The following DAPK1 variants were observed in gnomAD, a reference collection of about 807,000 sequenced individuals.
The protein encoded by DAPK1 is death-associated protein kinase 1.
Under a neutral mutation model 144.9 loss-of-function variants are expected in DAPK1, and 56 were observed. The observed-to-expected ratio is 0.39, with a 90% CI of 0.31 to 0.48. The LOEUF (loss-of-function observed/expected upper bound fraction) is 0.48, where lower values mean the gene tolerates loss of function less well. DAPK1 is among the 20% of genes least tolerant of loss of function. The pLI, the probability that DAPK1 is intolerant of heterozygous loss-of-function variation, is 0.95. For missense variants in DAPK1, 1,454 were observed against 1,875.4 expected, an observed-to-expected ratio of 0.78 and a Z score of 4.15; for synonymous variants, 690 against 749.0, an observed-to-expected ratio of 0.92 and a Z score of 1.29.
intron 3 of DAPK1, among the ~76,000 whole-genome samples, chr9:87,629,996 G>A (rs928462709): frequency 1.3e-5 from 2 of 152,152 alleles, no homozygotes; most frequent in Non-Finnish European, 2.9e-5. Flanking sequence ...AACTAGCCCA[G>A]ATGGAGAGAC....
At chr9:87,701,540 AC>A (rs1825452026) in intron 24 of DAPK1, among the ~76,000 whole-genome samples, 2 of 152,212 alleles carry the variant, frequency 1.3e-5, no homozygotes, top group African/African-American at 4.8e-5. Context: ...AATGCTTTGG[AC>A]AGATAAATGG....
At chr9:87,551,583 T>C (rs1202113562) in intron 2 of DAPK1, among the ~76,000 whole-genome samples, 1 of 152,006 alleles carries the variant, frequency 6.6e-6, no homozygotes, top group African/African-American at 2.4e-5. Context: ...AGGACAGTAG[T>C]GACAGTGGAT....
At chr9:87,659,337 A>C (rs1340229743) in intron 18 of DAPK1, among the ~76,000 whole-genome samples, 3 of 152,072 alleles carry the variant, frequency 2.0e-5, no homozygotes, top group African/African-American at 7.2e-5. Context: ...CGCACACACC[A>C]TACCCACATC....
At chr9:87,561,667 C>A (rs1249469323) in intron 2 of DAPK1, among the ~76,000 whole-genome samples, 1 of 152,200 alleles carries the variant, frequency 6.6e-6, no homozygotes, top group East Asian at 1.9e-4. Flanking sequence ...GGGGGATTCC[C>A]CTGCTCCATG....
At position 87,646,340 on chromosome 9, in the gene DAPK1, C is replaced by T. The variant is rs115990018; in HGVS notation, c.1132-121C>T. 5.4e-4 allele frequency: 397 copies of T among 739,718 alleles called. 3 individuals carry two copies. The highest frequency in any genetic ancestry group is 5.1e-3 in the African/African-American group (288 of 56,528). 45.8% of individuals were successfully genotyped at this position (739,718 alleles called of 1,614,324 possible). A position where few individuals can be genotyped will look rare whatever the true frequency, so the allele number is the denominator to read the frequency against. ...TTCCACCTGTCTTCTCTTCCTGCCACGCAGTGGTAGCTCTATGTCTGTTGA... is the reference window on the plus strand; with the variant it reads ...TTCCACCTGTCTTCTCTTCCTGCCATGCAGTGGTAGCTCTATGTCTGTTGA... On this transcript the variant is annotated intron_variant, in intron 12 of 25. Transcript: ENST00000408954.
intron 3 of DAPK1, among the ~76,000 whole-genome samples, chr9:87,616,627 CAT>C (rs1483225201): frequency 7.9e-5 from 12 of 152,284 alleles, no homozygotes; most frequent in East Asian, 1.9e-4. Flanking sequence ...ACTTAACAAA[CAT>C]GTGTGCAAGG....
chr9:87,638,565 C>A (rs763325625), intron 4 of DAPK1, among the ~76,000 whole-genome samples: 31 of 152,294 alleles, frequency 2.0e-4, no homozygotes, highest in Non-Finnish European at 3.8e-4. Context: ...GCATGTAAGC[C>A]GTCCTCCCAG....
At chr9:87,571,473 A>ACC (rs780465083) in intron 2 of DAPK1, among the ~76,000 whole-genome samples, 13,353 of 57,042 alleles carry the variant, frequency 0.23, 3,388 homozygotes, top group Non-Finnish European at 0.29. Flanking sequence ...ACACACACAC[A>ACC]CCAACACACA....
At chr9:87,613,572 G>A (rs375451987) in intron 3 of DAPK1, among the ~76,000 whole-genome samples, 7 of 152,216 alleles carry the variant, frequency 4.6e-5, no homozygotes, top group Non-Finnish European at 7.3e-5. Context: ...GTATGTCAGC[G>A]TGGTGCATGT....
intron 3 of DAPK1, among the ~76,000 whole-genome samples, chr9:87,621,242 G>A (rs756047674): frequency 2.2e-4 from 33 of 152,168 alleles, no homozygotes; most frequent in Non-Finnish European, 1.5e-4. Context: ...TTTGTGGCTG[G>A]AGATGATCAC....
chr9:87,622,141 T>C (rs1461861703), intron 3 of DAPK1, among the ~76,000 whole-genome samples: 1 of 152,018 alleles, frequency 6.6e-6, no homozygotes, highest in Non-Finnish European at 1.5e-5. Context: ...AATTCTGATT[T>C]CATTTCTTTG....
At chr9:87,515,738 C>G (rs901966030) in intron 2 of DAPK1, among the ~76,000 whole-genome samples, 1 of 152,196 alleles carries the variant, frequency 6.6e-6, no homozygotes, top group African/African-American at 2.4e-5. Flanking sequence ...CCTTCCAACT[C>G]TGTGGATCTG....
chr9:87,606,616 T>C (rs961152151), intron 3 of DAPK1, among the ~76,000 whole-genome samples: 21 of 77,122 alleles, frequency 2.7e-4, no homozygotes, highest in East Asian at 1.5e-3. Flanking sequence ...TCCCTCCCTC[T>C]CTCTCTCCCT....
chr9:87,514,341 G>A (rs1824964685), intron 2 of DAPK1, among the ~76,000 whole-genome samples: 1 of 152,200 alleles, frequency 6.6e-6, no homozygotes. Flanking sequence ...TGTCCCAGGA[G>A]TGCGTAGTTT....
Position 87,499,058 on chromosome 9 carries a change from G to T in DAPK1, c.-20G>T, listed in dbSNP as rs753696195. On this transcript the variant is annotated 5_prime_UTR_variant, in exon 2 of 26. Coordinates refer to ENST00000408954, the MANE Select transcript of DAPK1 (RefSeq NM_004938.4). ...CGGAGCTGAAGTGCCCTGGGCTTTGGTGAGGCGTGACAGTTTATCATGACC... is the reference window on the plus strand; with the variant it reads ...CGGAGCTGAAGTGCCCTGGGCTTTGTTGAGGCGTGACAGTTTATCATGACC... 6.2e-7 allele frequency: 1 copy of T among 1,613,716 alleles called. No homozygotes were observed. The highest frequency in any genetic ancestry group is 8.5e-7 in the Non-Finnish European group (1 of 1,179,632).
At chr9:87,659,515 A>T (rs890279062) in intron 18 of DAPK1, among the ~76,000 whole-genome samples, 1 of 152,358 alleles carries the variant, frequency 6.6e-6, no homozygotes, top group Middle Eastern at 3.4e-3. Flanking sequence ...CAGCCAGGCC[A>T]TTATTGAAGA....
chr9:87,556,274 G>C (rs1826710484), intron 2 of DAPK1, among the ~76,000 whole-genome samples: 1 of 152,142 alleles, frequency 6.6e-6, no homozygotes, highest in Admixed American at 6.5e-5. Context: ...TGTGAGGTTG[G>C]TACAAGTATT....
At chr9:87,510,957 G>A (rs1824815784) in intron 2 of DAPK1, among the ~76,000 whole-genome samples, 2 of 152,200 alleles carry the variant, frequency 1.3e-5, no homozygotes, top group African/African-American at 2.4e-5. Flanking sequence ...AGAGGTGGAC[G>A]CTATTTAACA....
rs1830393019 is a variant in DAPK1, at chr9:87,650,063, A to T, written c.1571A>T (p.His524Leu). ...PLLTASARGY[H>L]DIVECLAEHG... is the part of the protein sequence containing the mutation. Reference sequence around the variant, plus strand: ...CTGACAGCCTCTGCCAGGGGCTACCACGACATCGTGGAGTGTCTGGCCGAA... The same window carrying T: ...CTGACAGCCTCTGCCAGGGGCTACCTCGACATCGTGGAGTGTCTGGCCGAA... Residue 524 changes from histidine to leucine, a missense_variant, in exon 16 of 26, where the codon CAC becomes CTC. Physicochemically the swap from His to Leu is moderately conservative, Grantham distance 99 (BLOSUM62 -3). Transcript: ENST00000408954. The T allele has an allele frequency of 1.2e-6, 2 of 1,614,008 alleles. No homozygotes were observed. The highest frequency in any genetic ancestry group is 1.3e-5 in the African/African-American group (1 of 74,926).
Sources: gnomAD v4.1 joint callset for allele counts (sites outside exome capture counted in the v4.1 genomes callset) on GRCh38, gnomAD v4.1.1 for gene constraint, MANE v1.5 for transcripts, NCBI Gene and HGNC (gene_info 2026-07-23, HGNC 2026-07-21) for gene names.